The following ZDHHC2 variants were observed in gnomAD, a reference collection of about 807,000 sequenced individuals.
ZDHHC2 encodes zDHHC palmitoyltransferase 2.
A neutral mutation model predicts 55.6 loss-of-function variants in ZDHHC2; 51 were observed. The observed-to-expected ratio is 0.92, with a 90% CI of 0.73 to 1.16. The LOEUF (loss-of-function observed/expected upper bound fraction) is 1.16. Ranked by LOEUF, ZDHHC2 falls within the 50% of genes most tolerant of loss-of-function variation. The probability of loss-of-function intolerance (pLI) is 0.00; values close to 1 mark genes in which losing one functional copy is unlikely to be tolerated. For missense variants in ZDHHC2, 491 were observed against 442.4 expected (o/e 1.11, Z -0.99); for synonymous variants, 199 against 152.9 (o/e 1.30, Z -2.22).
chr8:17,160,922 A>G (rs1271029232), intron 1 of ZDHHC2, among the ~76,000 whole-genome samples: 1 of 152,222 alleles, frequency 6.6e-6, no homozygotes, highest in Non-Finnish European at 1.5e-5. Context: ...GCTTTGGAGT[A>G]TGTGGGAAGC....
chr8:17,223,162 G>T lies in ZDHHC2; in HGVS notation c.*2941G>T, dbSNP rs971176083. On this transcript the variant is annotated 3_prime_UTR_variant, in exon 13 of 13. Coordinates refer to ENST00000262096, the MANE Select transcript of ZDHHC2 (RefSeq NM_016353.5). ...CCTATTTTGAAATGCATGTAAACGG[G>T]CTCGGCTGATTCTGAAATTGTACTG... 6.6e-6 allele frequency: 1 copy of T among 151,826 alleles called. No homozygotes were observed. Among genetic ancestry groups the T allele is most frequent in the African/African-American group, 2.4e-5 (1 of 41,412 alleles). 9.4% of individuals were successfully genotyped at this position (151,826 alleles called of 1,614,324 possible). A position where few individuals can be genotyped will look rare whatever the true frequency, so the allele number is the denominator to read the frequency against.
At chr8:17,199,573 T>C (rs113180740) in intron 6 of ZDHHC2, among the ~76,000 whole-genome samples, 56,352 of 105,808 alleles carry the variant, frequency 0.53, 16,636 homozygotes, top group Non-Finnish European at 0.69. Context: ...TCTTCGTCTT[T>C]GTCTTCTTCT....
chr8:17,171,834 C>T (rs1804870599), intron 1 of ZDHHC2, among the ~76,000 whole-genome samples: 1 of 151,282 alleles, frequency 6.6e-6, no homozygotes, highest in South Asian at 2.1e-4. Flanking sequence ...TTTTTACTAA[C>T]CCTGTTTTTA....
intron 1 of ZDHHC2, among the ~76,000 whole-genome samples, chr8:17,168,684 C>G (rs1264964670): frequency 6.6e-6 from 1 of 152,080 alleles, no homozygotes; most frequent in East Asian, 1.9e-4. Flanking sequence ...AGCCACCATT[C>G]TACTTTCTGC....
chr8:17,201,375 A>C (rs1009059735), intron 6 of ZDHHC2, among the ~76,000 whole-genome samples: 2 of 151,710 alleles, frequency 1.3e-5, no homozygotes, highest in African/African-American at 4.8e-5. Context: ...ATATATAAAA[A>C]ATCTTTTTCT....
Position 17,197,465 on chromosome 8 carries a change from C to G in ZDHHC2, c.374-117C>G, listed in dbSNP as rs546517561. On this transcript the variant is annotated intron_variant, in intron 4 of 12. Transcript: ENST00000262096. ...AGCATCAAATATCTTATTTTTTTAC[C>G]ATATTTAAATTTCATATGCTTTTTA... The G allele has an allele frequency of 1.2e-4, 97 of 839,088 alleles. No homozygotes were observed. The African/African-American group carries it at 1.3e-3, about 11-fold the overall frequency. The allele number at this position is 839,088 out of a possible 1,614,324, so 52.0% of individuals were successfully genotyped here. A position where few individuals can be genotyped will look rare whatever the true frequency, so the allele number is the denominator to read the frequency against.
At chr8:17,169,717 T>C (rs1804763309) in intron 1 of ZDHHC2, among the ~76,000 whole-genome samples, 1 of 152,150 alleles carries the variant, frequency 6.6e-6, no homozygotes, top group Non-Finnish European at 1.5e-5. Context: ...GTGAAATGAT[T>C]TTAGTAAGAG....
At chr8:17,209,248 G>C (rs907236735) in intron 8 of ZDHHC2, among the ~76,000 whole-genome samples, 3 of 152,158 alleles carry the variant, frequency 2.0e-5, no homozygotes, top group Non-Finnish European at 2.9e-5. Context: ...TTCTGGACTG[G>C]ATCCCGGTTT....
intron 6 of ZDHHC2, among the ~76,000 whole-genome samples, chr8:17,204,608 T>G (rs1806998930): frequency 6.6e-6 from 1 of 152,040 alleles, no homozygotes; most frequent in Non-Finnish European, 1.5e-5. Context: ...AGCTAAATGA[T>G]GAGAACACAT....
chr8:17,190,114 T>G (rs1326967172), intron 3 of ZDHHC2, among the ~76,000 whole-genome samples: 2 of 152,126 alleles, frequency 1.3e-5, no homozygotes, highest in African/African-American at 4.8e-5. Context: ...TTTTTATTTT[T>G]TAAAGTTTTG....
intron 12 of ZDHHC2, among the ~76,000 whole-genome samples, chr8:17,218,317 C>T (rs1011158946): frequency 6.6e-6 from 1 of 152,020 alleles, no homozygotes; most frequent in African/African-American, 2.4e-5. Context: ...ATAGCTATAG[C>T]AAATATGAGT....
intron 1 of ZDHHC2, among the ~76,000 whole-genome samples, chr8:17,175,770 T>C (rs960228126): frequency 1.3e-5 from 2 of 151,926 alleles, no homozygotes; most frequent in Non-Finnish European, 1.5e-5. Flanking sequence ...AAAATACAGG[T>C]TGTGTGAGAT....
chr8:17,156,688 C>A lies in ZDHHC2; in HGVS notation c.-36C>A. On this transcript the variant is annotated 5_prime_UTR_variant, in exon 1 of 13. Transcript: ENST00000262096. The stretch of plus-strand genomic sequence containing the variant: ...CCCGCCCCGGAGCCAGGCCCGCGGG[C>A]GGCGGCGGAGCTGGGCAGGTGGATG... 7.8e-7 allele frequency: 1 copy of A among 1,284,954 alleles called. No homozygotes were observed. Among genetic ancestry groups the A allele is most frequent in the Non-Finnish European group, 9.8e-7 (1 of 1,015,488 alleles). 79.6% of individuals were successfully genotyped at this position (1,284,954 alleles called of 1,614,324 possible).
At chr8:17,168,207 C>A (rs1393652283) in intron 1 of ZDHHC2, among the ~76,000 whole-genome samples, 2 of 152,162 alleles carry the variant, frequency 1.3e-5, no homozygotes, top group Admixed American at 6.5e-5. Context: ...TTTGGCTCGG[C>A]ATTCTTTTGA....
At chr8:17,199,482 T>TTCTTCTTCTTCG (rs1563160973) in intron 6 of ZDHHC2, among the ~76,000 whole-genome samples, 1 of 34,612 alleles carries the variant, frequency 2.9e-5, no homozygotes, top group Non-Finnish European at 8.5e-5. Context: ...CTTCTTCTTC[T>TTCTTCTTCTTCG]TCTTCTTCTT....
chr8:17,199,585 C>CTTCTTCTTTA (rs754323183), intron 6 of ZDHHC2, among the ~76,000 whole-genome samples: 11,169 of 65,270 alleles, frequency 0.17, 1,488 homozygotes, highest in East Asian at 0.29. Context: ...TCTTCTTCTT[C>CTTCTTCTTTA]TTCTTTCTTC....
chr8:17,190,070 A>G (rs1455488589), intron 3 of ZDHHC2, among the ~76,000 whole-genome samples: 1 of 152,168 alleles, frequency 6.6e-6, no homozygotes, highest in East Asian at 1.9e-4. Context: ...GGGGAAAAAT[A>G]GCAAAAATTT....
intron 10 of ZDHHC2, among the ~76,000 whole-genome samples, chr8:17,212,541 T>A (rs1289629028): frequency 6.6e-6 from 1 of 152,216 alleles, no homozygotes; most frequent in Non-Finnish European, 1.5e-5. Context: ...ATATCTATAA[T>A]CTGAATACTT....
At chr8:17,213,243 C>T (rs982302880) in intron 10 of ZDHHC2, among the ~76,000 whole-genome samples, 1 of 151,702 alleles carries the variant, frequency 6.6e-6, no homozygotes, top group Non-Finnish European at 1.5e-5. Context: ...TCCTGTTACA[C>T]TGATTTTTTT....
Sources: allele counts gnomAD v4.1 joint callset (sites outside exome capture counted in the v4.1 genomes callset), GRCh38; gene constraint gnomAD v4.1.1; transcripts MANE v1.5; gene names NCBI Gene and HGNC (gene_info 2026-07-23, HGNC 2026-07-21).